Variants in CTRL observed in about 807,000 individuals in gnomAD.
CTRL encodes chymotrypsin-like protease CTRL-1.
A neutral mutation model predicts 35.5 loss-of-function variants in CTRL; 38 were observed. The ratio of observed to expected loss-of-function variants is 1.07; its 90% confidence interval spans 0.83 to 1.40. The LOEUF is 1.40. Ranked by LOEUF, CTRL falls within the 40% of genes most tolerant of loss-of-function variation. The pLI is 0.00. For missense variants in CTRL, 327 were observed against 342.9 expected, an observed-to-expected ratio of 0.95 and a Z score of 0.37; for synonymous variants, 155 against 141.1, an observed-to-expected ratio of 1.10 and a Z score of -0.70.
Position 67,930,011 on chromosome 16 carries a change from T to A in CTRL, c.718A>T (p.Asn240Tyr). The A allele has an allele frequency of 6.2e-7, 1 of 1,614,122 alleles. No homozygotes were observed. Among genetic ancestry groups the A allele is most frequent in the Non-Finnish European group, 8.5e-7 (1 of 1,180,012 alleles). ...GIVSWGTKNCNVRAPAVYTRV... is the reference protein window; with the variant it reads ...GIVSWGTKNCYVRAPAVYTRV... ...GTATACACAGCAGGTGCGCGCACAT[T>A]GCAGTTTTTGGTGCCCCAGGAGACA... Residue 240 changes from asparagine (N) to tyrosine (Y), a missense_variant, in exon 7 of 7, where the codon AAT becomes TAT. Physicochemically the swap from Asn to Tyr is moderately radical, Grantham distance 143 (BLOSUM62 -2). Transcript: ENST00000574481. The surrounding 1 kb of genome is among the most constrained non-coding windows in gnomAD (Gnocchi z 4.3).
intron 1 of CTRL, 131 bp downstream of exon 1, chr16:67,931,670 G>A (rs990638389): frequency 2.5e-5 from 27 of 1,082,108 alleles, no homozygotes; most frequent in Non-Finnish European, 3.5e-5. Flanking sequence ...CCACTGCCCT[G>A]GCATATCCTG....
rs1598197548 is a variant in CTRL, at chr16:67,931,101, C to T, written c.153G>A (p.Leu51=). 2.5e-6 allele frequency: 4 copies of T among 1,613,848 alleles called. No homozygotes were observed. Among genetic ancestry groups the T allele is most frequent in the East Asian group, 2.2e-5 (1 of 44,886 alleles). The change falls in exon 2 of 7, where the codon CTG becomes CTA. Residue 51 remains leucine, a synonymous_variant. Transcript: ENST00000574481. ...GCCCACCCCTCTGGTGGTGTACCTG[C>T]AGGGACACCTGCCAGGGCCAGGAGC... ...VLGSWPWQVS[L]QDSSGFHFCG...
At chr16:67,931,441 G>C in intron 1 of CTRL, 1 of 603,720 alleles carries the variant, frequency 1.7e-6, no homozygotes. Flanking sequence ...AGTCCCCGCT[G>C]TTCCCCATCT....
rs753312924 is a variant in CTRL, at chr16:67,930,327, C to T, written c.500-9G>A. The T allele has an allele frequency of 1.2e-5, 19 of 1,613,636 alleles. No individual in the cohort carries two copies. Among genetic ancestry groups the T allele is most frequent in the African/African-American group, 1.3e-5 (1 of 74,868 alleles). On this transcript the variant is annotated splice_polypyrimidine_tract_variant and intron_variant, in intron 5 of 6. Transcript: ENST00000574481. This position sits in a 1 kb window ranked among gnomAD's most constrained non-coding sequence, Gnocchi z 4.3. The stretch of plus-strand genomic sequence containing the variant: ...TGCTGGTGTCACATTGCCTGTGGGC[C>T]AGGAGGGGTGGTCACATGGGGCCCA...
chr16:67,929,919 G>T lies in CTRL; in HGVS notation c.*15C>A. On this transcript the variant is annotated 3_prime_UTR_variant, in exon 7 of 7. Coordinates refer to ENST00000574481, the MANE Select transcript of CTRL (RefSeq NM_001907.3). ...GGTCTTTAATGGGTTGAGCTGGGGA[G>T]GGCCTGTGGTGAGCTCAGTTGTAGG... 6.2e-7 allele frequency: 1 copy of T among 1,611,478 alleles called. No homozygotes were observed. Among genetic ancestry groups the T allele is most frequent in the Non-Finnish European group, 8.5e-7 (1 of 1,177,826 alleles).
At chr16:67,931,265 T>G in intron 1 of CTRL, 64 bp from the exon 2 acceptor site, 1 of 1,553,866 alleles carries the variant, frequency 6.4e-7, no homozygotes. Flanking sequence ...CACCTCCTTT[T>G]GGGTGCCCCA....
In CTRL at chr16:67,929,851, G is replaced by A; in HGVS notation, c.*83C>T. On this transcript the variant is annotated 3_prime_UTR_variant, in exon 7 of 7. Transcript: ENST00000574481. ...CCCTCAACAGCCTCTTCTTTCTCCT[G>A]AGCCAGGAAGACAGACATGAATGCA... 9 of 1,479,738 alleles carry A rather than the reference G, an allele frequency of 6.1e-6. No homozygotes were observed. Among genetic ancestry groups the A allele is most frequent in the African/African-American group, 1.4e-5 (1 of 72,166 alleles). 91.7% of individuals were successfully genotyped at this position (1,479,738 alleles called of 1,614,324 possible). A position where few individuals can be genotyped will look rare whatever the true frequency, so the allele number is the denominator to read the frequency against.
At position 67,931,707 on chromosome 16, in the gene CTRL, C is replaced by G. The variant is rs905526352; in HGVS notation, c.52+94G>C. ...TTCTTTTGCCCACTCTGTCCACCTTCGTCCCTTCCAGCCAGCCTAGCTCCT... is the reference window on the plus strand; with the variant it reads ...TTCTTTTGCCCACTCTGTCCACCTTGGTCCCTTCCAGCCAGCCTAGCTCCT... On this transcript the variant is annotated intron_variant, in intron 1 of 6. Coordinates refer to ENST00000574481, the MANE Select transcript of CTRL (RefSeq NM_001907.3). 3 of 1,410,614 alleles carry G rather than the reference C, an allele frequency of 2.1e-6. No individual in the cohort carries two copies. The East Asian group carries it at 7.5e-5, about 35-fold the overall frequency. The allele number at this position is 1,410,614 out of a possible 1,614,324, so 87.4% of individuals were successfully genotyped here. A position where few individuals can be genotyped will look rare whatever the true frequency, so the allele number is the denominator to read the frequency against.
intron 1 of CTRL, chr16:67,931,541 C>A: frequency 5.1e-6 from 3 of 589,134 alleles, no homozygotes; most frequent in Non-Finnish European, 9.1e-6. Flanking sequence ...ATGGACAGGT[C>A]TTCCTGTCTC....
In CTRL at chr16:67,930,775, T is replaced by C. The variant is rs1567404239; in HGVS notation, c.269A>G (p.Tyr90Cys). 6.2e-7 allele frequency: 1 copy of C among 1,613,946 alleles called. No homozygotes were observed. The highest frequency in any genetic ancestry group is 8.5e-7 in the Non-Finnish European group (1 of 1,179,992). The change falls in exon 4 of 7, where the codon TAT becomes TGT. Residue 90 changes from tyrosine (Y) to cysteine (C), a missense_variant. Coordinates refer to ENST00000574481, the MANE Select transcript of CTRL (RefSeq NM_001907.3). This position sits in a 1 kb window ranked among gnomAD's most constrained non-coding sequence, Gnocchi z 4.3. ...PGRHFVVLGE[Y>C]DRSSNAEPLQ... The stretch of plus-strand genomic sequence containing the variant: ...GGGCTCTGCGTTTGATGATCGGTCA[T>C]ACTCGCCCAGGACAACAAAATGGCG...
chr16:67,930,787 A>C lies in CTRL; in HGVS notation c.257T>G (p.Val86Gly). 6.2e-7 allele frequency: 1 copy of C among 1,614,020 alleles called. No homozygotes were observed. Among genetic ancestry groups the C allele is most frequent in the Non-Finnish European group, 8.5e-7 (1 of 1,179,986 alleles). The change falls in exon 4 of 7, where the codon GTC becomes GGC. Residue 86 changes from valine to glycine, a missense_variant. Coordinates refer to ENST00000574481, the MANE Select transcript of CTRL (RefSeq NM_001907.3). This position sits in a 1 kb window ranked among gnomAD's most constrained non-coding sequence, Gnocchi z 4.3. ...CNVSPGRHFV[V>G]LGEYDRSSNA... is the part of the protein sequence containing the mutation. ...TGATGATCGGTCATACTCGCCCAGGACAACAAAATGGCGGCCAGGGCTGCA... is the reference window on the plus strand; with the variant it reads ...TGATGATCGGTCATACTCGCCCAGGCCAACAAAATGGCGGCCAGGGCTGCA...
rs1398049237 is a variant in CTRL at position 67,931,207 on chromosome 16, C to A, written c.53-6G>T. The stretch of plus-strand genomic sequence containing the variant: ...GATGGCAGGAATGCCGCAGCCTGGC[C>A]ATTGGGCTAATGAGGACCTGCTTCC... On this transcript the variant is annotated splice_polypyrimidine_tract_variant and splice_region_variant and intron_variant, in intron 1 of 6. Coordinates refer to ENST00000574481, the MANE Select transcript of CTRL (RefSeq NM_001907.3). The A allele has an allele frequency of 1.2e-6, 2 of 1,613,790 alleles. No homozygotes were observed. The highest frequency in any genetic ancestry group is 2.7e-5 in the African/African-American group (2 of 74,936).
Position 67,930,539 on chromosome 16 carries a change from G to T in CTRL, c.368C>A (p.Thr123Lys). The T allele has an allele frequency of 6.2e-7, 1 of 1,614,192 alleles. No individual in the cohort carries two copies. The change falls in exon 5 of 7, where the codon ACG becomes AAG. Residue 123 changes from threonine (T) to lysine (K), a missense_variant. Coordinates refer to ENST00000574481, the MANE Select transcript of CTRL (RefSeq NM_001907.3). This position sits in a 1 kb window ranked among gnomAD's most constrained non-coding sequence, Gnocchi z 4.3. ...WNSTTMNNDVTLLKLASPAQY... is the reference protein window; with the variant it reads ...WNSTTMNNDVKLLKLASPAQY... ...GGCTGGCGAGGCGAGCTTCAGCAGCGTCACGTCATTGTTCATGGTGGTAGA... is the reference window on the plus strand; with the variant it reads ...GGCTGGCGAGGCGAGCTTCAGCAGCTTCACGTCATTGTTCATGGTGGTAGA...
intron 2 of CTRL, 26 bp downstream of exon 2, chr16:67,931,072 C>A (rs773311287): frequency 9.9e-6 from 16 of 1,613,584 alleles, no homozygotes; most frequent in Non-Finnish European, 1.3e-5. Context: ...GTACCCAGGA[C>A]CCTGCCCACC....
rs764272272 is a variant in CTRL at position 67,930,038 on chromosome 16, T to G, written c.691A>C (p.Ile231Leu). Residue 231 changes from isoleucine to leucine, a missense_variant, in exon 7 of 7, where the codon ATT becomes CTT. Coordinates refer to ENST00000574481, the MANE Select transcript of CTRL (RefSeq NM_001907.3). This position sits in a 1 kb window ranked among gnomAD's most constrained non-coding sequence, Gnocchi z 4.3. ...CAGTTTTTGGTGCCCCAGGAGACAA[T>G]ACCAATAAGCACCCATGTGTTTCCC... is the stretch of plus-strand genomic sequence containing the variant. ...QKGNTWVLIG[I>L]VSWGTKNCNV... 2 of 1,613,900 alleles carry G rather than the reference T, an allele frequency of 1.2e-6. No homozygotes were observed. Among genetic ancestry groups the G allele is most frequent in the Admixed American group, 3.3e-5 (2 of 59,996 alleles).
intron 1 of CTRL, 184 bp from the exon 2 acceptor site, chr16:67,931,385 AC>A: frequency 1.6e-6 from 1 of 630,456 alleles, no homozygotes; most frequent in South Asian, 1.8e-5. Context: ...ATCCCTATCC[AC>A]CCAGTCCCCC....
intron 2 of CTRL, 45 bp from the exon 3 acceptor site, chr16:67,931,044 G>C: frequency 6.2e-7 from 1 of 1,613,300 alleles, no homozygotes; most frequent in South Asian, 1.1e-5. Flanking sequence ...GGCTGCTGAG[G>C]CTGCCCCTAG....
rs768184264 is a variant in CTRL at position 67,930,638 on chromosome 16, G to A, written c.319-50C>T. 6.2e-7 allele frequency: 1 copy of A among 1,607,910 alleles called. No individual in the cohort carries two copies. Among genetic ancestry groups the A allele is most frequent in the South Asian group, 1.1e-5 (1 of 91,004 alleles). On this transcript the variant is annotated intron_variant, in intron 4 of 6. Coordinates refer to ENST00000574481, the MANE Select transcript of CTRL (RefSeq NM_001907.3). This position sits in a 1 kb window ranked among gnomAD's most constrained non-coding sequence, Gnocchi z 4.3. ...TTCTGATGGGTGCTGAGCAGGGTAGGCCAGGGCATGTCCTGAATTCCTCGT... is the reference window on the plus strand; with the variant it reads ...TTCTGATGGGTGCTGAGCAGGGTAGACCAGGGCATGTCCTGAATTCCTCGT...
In CTRL at chr16:67,931,842, A is replaced by T. The variant is rs764538500; in HGVS notation, c.11T>A (p.Leu4His). The T allele has an allele frequency of 6.4e-7, 1 of 1,572,496 alleles. No individual in the cohort carries two copies. The highest frequency in any genetic ancestry group is 8.6e-7 in the Non-Finnish European group (1 of 1,158,994). ...GAGAACCAGGCTTAGGGTCAGGCTG[A>T]GCAGCAACATCGTGGCAGATGTGAG... Reference protein sequence around the residue: MLLLSLTLSLVLLG... With the variant: MLLHSLTLSLVLLG... The change falls in exon 1 of 7, where the codon CTC (leucine) becomes CAC (histidine). Residue 4 changes from leucine (L) to histidine (H), a missense_variant. Leu to His is a moderately conservative substitution (Grantham distance 99). Transcript: ENST00000574481.
Sources: gnomAD v4.1 joint callset for allele counts on GRCh38, gnomAD v4.1.1 for gene constraint, Gnocchi (gnomAD v3.1) non-coding constraint, MANE v1.5 for transcripts, NCBI Gene and HGNC (gene_info 2026-07-23, HGNC 2026-07-21) for gene names.